Variants in SOX5 observed in about 807,000 individuals in gnomAD.
SOX5 encodes the protein transcription factor SOX-5.
A neutral mutation model predicts 92.0 loss-of-function variants in SOX5; 9 were observed. The ratio of observed to expected loss-of-function variants is 0.10; its 90% CI spans 0.06 to 0.17. The LOEUF is 0.17. Ranked by LOEUF, SOX5 falls within the 10% of genes least tolerant of loss-of-function variation. The probability of loss-of-function intolerance (pLI) is 1.00; values close to 1 mark genes in which losing one functional copy is unlikely to be tolerated. For synonymous variants in SOX5, 344 were observed against 336.3 expected (o/e 1.02, Z -0.25); for missense variants, 642 against 944.5 (o/e 0.68, Z 4.20).
chr12:24,201,923 C>A (rs1405416380), intron 4 of SOX5, among the ~76,000 whole-genome samples: 1 of 152,162 alleles, frequency 6.6e-6, no homozygotes. Flanking sequence ...ATTTGTATAG[C>A]TGGAGTTTTA....
intron 1 of SOX5, among the ~76,000 whole-genome samples, chr12:24,470,081 C>T (rs1044511503): frequency 4.6e-5 from 7 of 152,266 alleles, no homozygotes; most frequent in Middle Eastern, 6.8e-3. Flanking sequence ...AGTAACTGTA[C>T]GTGAATAATC....
At chr12:24,481,373 A>G (rs1399582543) in intron 1 of SOX5, among the ~76,000 whole-genome samples, 2 of 152,170 alleles carry the variant, frequency 1.3e-5, no homozygotes, top group Non-Finnish European at 2.9e-5. Flanking sequence ...GGGTGACTAT[A>G]GTCAATAAGG....
chr12:24,389,470 T>C (rs1023444486), intron 1 of SOX5, among the ~76,000 whole-genome samples: 7 of 152,228 alleles, frequency 4.6e-5, no homozygotes, highest in African/African-American at 7.2e-5. Flanking sequence ...ATATGCAGGT[T>C]AGGTAAACGT....
At chr12:24,337,437 T>A (rs1229137842) in intron 2 of SOX5, among the ~76,000 whole-genome samples, 5 of 151,750 alleles carry the variant, frequency 3.3e-5, no homozygotes, top group Admixed American at 6.6e-5. Flanking sequence ...GCCTCCCAAG[T>A]TCAAGCGATC....
In SOX5 at chr12:24,196,127, C is replaced by T. The variant is rs143950572; in HGVS notation, c.-2+17216G>A. ...CTTGAGTTTCTGGCCTCATGTGATC[C>T]GCCTGCATCAGCCTCCCAAAGTGCT... On this transcript the variant is annotated intron_variant, in intron 4 of 4. Transcript: ENST00000446891. Among the ~76,000 whole-genome samples the T allele has an allele frequency of 1.4e-3, 213 of 152,328 alleles. 1 individual carries two copies. The highest frequency in any genetic ancestry group is 1.6e-3 in the Non-Finnish European group (108 of 68,030).
chr12:23,986,172 A>G (rs1950042243), intron 4 of SOX5, among the ~76,000 whole-genome samples: 1 of 152,148 alleles, frequency 6.6e-6, no homozygotes, highest in Non-Finnish European at 1.5e-5. Flanking sequence ...TCAGAGGGGT[A>G]TTTTGCCCAC....
intron 4 of SOX5, among the ~76,000 whole-genome samples, chr12:24,083,692 A>G (rs1320343712): frequency 6.6e-6 from 1 of 152,056 alleles, no homozygotes; most frequent in Non-Finnish European, 1.5e-5. Context: ...AAGGTGAAAA[A>G]CTTAGAATAT....
At chr12:24,192,270 T>C (rs1956598398) in intron 4 of SOX5, among the ~76,000 whole-genome samples, 1 of 152,186 alleles carries the variant, frequency 6.6e-6, no homozygotes, top group Non-Finnish European at 1.5e-5. Flanking sequence ...GGTTTTCAGA[T>C]TAATGGACAA....
chr12:23,622,921 C>CT (rs1366019004), intron 8 of SOX5, among the ~76,000 whole-genome samples: 1 of 152,090 alleles, frequency 6.6e-6, no homozygotes, highest in Non-Finnish European at 1.5e-5. Flanking sequence ...TTTGCCACCT[C>CT]TTTTTTAACT....
At chr12:24,557,808 G>A (rs1045403960) in intron 1 of SOX5, among the ~76,000 whole-genome samples, 1 of 152,142 alleles carries the variant, frequency 6.6e-6, no homozygotes, top group African/African-American at 2.4e-5. Context: ...AATAGAAAAT[G>A]AATGGACTTA....
chr12:24,403,185 T>A (rs2136666162), intron 1 of SOX5, among the ~76,000 whole-genome samples: 1 of 152,356 alleles, frequency 6.6e-6, no homozygotes, highest in East Asian at 1.9e-4. Context: ...CTTTTCTGGC[T>A]AAAGCATTTC....
intron 3 of SOX5, among the ~76,000 whole-genome samples, chr12:23,792,226 C>A (rs2095486272): frequency 6.6e-6 from 1 of 151,816 alleles, no homozygotes; most frequent in Non-Finnish European, 1.5e-5. Flanking sequence ...AGAGTGTCTA[C>A]AATGGGAATA....
upstream of SOX5, among the ~76,000 whole-genome samples, chr12:23,954,745 T>C (rs1263353019): frequency 6.6e-6 from 1 of 152,040 alleles, no homozygotes; most frequent in Admixed American, 6.5e-5. Flanking sequence ...CTTTCTATTG[T>C]CAGTTGGTTA....
chr12:24,443,180 G>A (rs1299499199), intron 1 of SOX5, among the ~76,000 whole-genome samples: 1 of 152,118 alleles, frequency 6.6e-6, no homozygotes, highest in African/African-American at 2.4e-5. Context: ...TCAAACTCCT[G>A]AGCTCAGGCA....
In SOX5 at chr12:23,534,002, C is replaced by CTTG. The variant is rs771615415; in HGVS notation, c.*214_*216dup. The CTTG allele has an allele frequency of 2.1e-6, 1 of 473,408 alleles. No individual in the cohort carries two copies. The highest frequency in any genetic ancestry group is 3.6e-5 in the Admixed American group (1 of 27,650). 29.3% of individuals were successfully genotyped at this position (473,408 alleles called of 1,614,324 possible). ...TTTTACCCATAGCTTATTTCAATCT[C>CTTG]TTGTTGTTGATATTGTTGTTTGCTT... On this transcript the variant is annotated 3_prime_UTR_variant, in exon 15 of 15. Coordinates refer to ENST00000451604, the MANE Select transcript of SOX5 (RefSeq NM_006940.6).
chr12:23,698,798 A>G (rs2090234942), intron 6 of SOX5, among the ~76,000 whole-genome samples: 1 of 152,114 alleles, frequency 6.6e-6, no homozygotes, highest in African/African-American at 2.4e-5. Flanking sequence ...CATCCTTTCA[A>G]GTCTTACTTT....
chr12:23,677,864 T>C (rs1242120001), intron 6 of SOX5, among the ~76,000 whole-genome samples: 1 of 152,146 alleles, frequency 6.6e-6, no homozygotes, highest in Admixed American at 6.6e-5. Flanking sequence ...AAAACAAAGA[T>C]AATATTTCAA....
In SOX5 at chr12:24,372,025, A is replaced by C. The variant is rs11047403; in HGVS notation, c.-250-3386T>G. On this transcript the variant is annotated intron_variant, in intron 1 of 4. Transcript: ENST00000446891. ...AGAGAGAGAGAGAGAGATCATTTGG[A>C]AAACTCAACTGCCTACCTCCTGTGA... 4.1e-3 allele frequency among the ~76,000 whole-genome samples: 626 copies of C among 152,166 alleles called. 10 individuals carry two copies. Among genetic ancestry groups the C allele is most frequent in the African/African-American group, 0.015 (604 of 41,534 alleles).
At chr12:23,966,133 T>TTGTGAA (rs1404137067) in intron 4 of SOX5, among the ~76,000 whole-genome samples, 1 of 147,962 alleles carries the variant, frequency 6.8e-6, no homozygotes, top group Non-Finnish European at 1.5e-5. Context: ...GGCAAGATGA[T>TTGTGAA]TGTGAATCTA....
Sources: allele counts gnomAD v4.1 joint callset (sites outside exome capture counted in the v4.1 genomes callset), GRCh38; gene constraint gnomAD v4.1.1; transcripts MANE v1.5; gene names NCBI Gene and HGNC (gene_info 2026-07-23, HGNC 2026-07-21).